Variants in DEPDC5 observed in about 807,000 individuals in gnomAD.
The protein encoded by DEPDC5 is DEP domain containing 5, GATOR1 subcomplex subunit.
In DEPDC5, 73 loss-of-function variants were observed where a neutral mutation model predicts 217.3. That is an observed-to-expected ratio of 0.34 (90% confidence interval 0.28 to 0.41). The LOEUF (loss-of-function observed/expected upper bound fraction) is 0.41, where lower values mean the gene tolerates loss of function less well. Among genes scored for constraint, DEPDC5 ranks in the 10% least tolerant of loss-of-function variants. The pLI, the probability that DEPDC5 is intolerant of heterozygous loss-of-function variation, is 1.00. For synonymous variants in DEPDC5, 733 were observed against 756.7 expected (o/e 0.97, Z 0.51); for missense variants, 1,675 against 2,070.1 (o/e 0.81, Z 3.70).
intron 10 of DEPDC5, among the ~76,000 whole-genome samples, chr22:31,790,254 G>A (rs1297225504): frequency 6.6e-6 from 1 of 152,154 alleles, no homozygotes; most frequent in Non-Finnish European, 1.5e-5. Flanking sequence ...TATATAGTGA[G>A]TGTTGAATTC....
At chr22:31,760,724 T>G (rs765562184) in intron 4 of DEPDC5, 22 bp downstream of exon 4, 3 of 1,576,480 alleles carry the variant, frequency 1.9e-6, no homozygotes, top group South Asian at 1.1e-5. Context: ...ATCACTCTTC[T>G]TAGAATTTTT....
chr22:31,876,757 T>G (rs1364880249), intron 37 of DEPDC5, among the ~76,000 whole-genome samples: 1 of 152,182 alleles, frequency 6.6e-6, no homozygotes, highest in Non-Finnish European at 1.5e-5. Context: ...TTTTTTCTTT[T>G]GTTTGGTTTT....
chr22:31,842,220 T>C (rs2091436852), intron 27 of DEPDC5, among the ~76,000 whole-genome samples: 1 of 152,182 alleles, frequency 6.6e-6, no homozygotes, highest in African/African-American at 2.4e-5. Context: ...GAAGTAGCAT[T>C]TGATGGTGAC....
In DEPDC5 at chr22:31,810,378, C is replaced by A. The variant is rs2088135213; in HGVS notation, c.1325-143C>A. On this transcript the variant is annotated intron_variant, in intron 19 of 42. Transcript: ENST00000651528. ...CAAGGGGAGAGGGTGATCACCTGTG[C>A]CTTGCAGATTTTGGTGAAGATTATC... The A allele has an allele frequency of 4.8e-6, 6 of 1,249,772 alleles. No individual in the cohort carries two copies. In the Admixed American group the frequency reaches 9.5e-5, roughly 20 times the overall value. 77.4% of individuals were successfully genotyped at this position (1,249,772 alleles called of 1,614,324 possible).
intron 35 of DEPDC5, 110 bp downstream of exon 35, chr22:31,873,442 G>A: frequency 8.4e-7 from 1 of 1,192,330 alleles, no homozygotes; most frequent in South Asian, 1.6e-5. Context: ...CTTCTCACCA[G>A]TTTTGAGAGC....
chr22:31,784,942 C>G, intron 10 of DEPDC5, 67 bp downstream of exon 10: 1 of 1,453,954 alleles, frequency 6.9e-7, no homozygotes, highest in South Asian at 1.2e-5. Context: ...TTAAAATGCA[C>G]TGTTTTTATT....
chr22:31,819,249 G>A (rs371417916), intron 22 of DEPDC5, 24 bp downstream of exon 22: 147 of 1,613,196 alleles, frequency 9.1e-5, no homozygotes, highest in East Asian at 5.8e-4. Flanking sequence ...TTAAGAGAGA[G>A]CCTTGGACTA....
At position 31,907,554 on chromosome 22, in the gene DEPDC5, A is replaced by G. The variant is rs1437612605; in HGVS notation, c.*1057A>G. The G allele has an allele frequency of 6.6e-6, 1 of 151,986 alleles. No homozygotes were observed. Among genetic ancestry groups the G allele is most frequent in the Admixed American group, 6.6e-5 (1 of 15,218 alleles). The allele number at this position is 151,986 out of a possible 1,614,324, so 9.4% of individuals were successfully genotyped here. A position where few individuals can be genotyped will look rare whatever the true frequency, so the allele number is the denominator to read the frequency against. On this transcript the variant is annotated 3_prime_UTR_variant, in exon 43 of 43. Transcript: ENST00000651528. ...AGGCACCTGCCACCATACCAGGCTA[A>G]TTTTTTGTATTTTAAGTAGAGATGG...
chr22:31,867,410 A>T (rs564514513), intron 33 of DEPDC5, among the ~76,000 whole-genome samples: 3 of 152,348 alleles, frequency 2.0e-5, no homozygotes, highest in African/African-American at 7.2e-5. Flanking sequence ...TCCAAGACTC[A>T]TAGTGGTTAT....
chr22:31,887,310 C>T (rs1352906318), intron 38 of DEPDC5, among the ~76,000 whole-genome samples: 1 of 149,198 alleles, frequency 6.7e-6, no homozygotes, highest in South Asian at 2.1e-4. Flanking sequence ...ATTCCAGCTG[C>T]TCGGGAGCTG....
chr22:31,888,691 G>A (rs7286575), intron 38 of DEPDC5, among the ~76,000 whole-genome samples: 29,706 of 152,056 alleles, frequency 0.2, 3,405 homozygotes, highest in African/African-American at 0.32. Flanking sequence ...CTGGGAACAC[G>A]GGCATGTGCC....
intron 8 of DEPDC5, among the ~76,000 whole-genome samples, chr22:31,783,294 T>C (rs2084646215): frequency 1.3e-5 from 2 of 152,186 alleles, no homozygotes; most frequent in Non-Finnish European, 2.9e-5. Flanking sequence ...TATATCTTGC[T>C]GCTGCTCACT....
intron 24 of DEPDC5, chr22:31,823,150 A>C (rs1385504104): frequency 4.3e-6 from 1 of 232,200 alleles, no homozygotes; most frequent in Non-Finnish European, 8.7e-6. Flanking sequence ...ACCCACCTCC[A>C]TAACAGGAGA....
rs555674786 is a variant in DEPDC5 at position 31,784,893 on chromosome 22, C to T, written c.624+18C>T. 2 of 1,603,318 alleles carry T rather than the reference C, an allele frequency of 1.2e-6. No homozygotes were observed. Among genetic ancestry groups the T allele is most frequent in the South Asian group, 2.2e-5 (2 of 90,132 alleles). On this transcript the variant is annotated intron_variant, in intron 10 of 42. Coordinates refer to ENST00000651528, the MANE Select transcript of DEPDC5 (RefSeq NM_001242896.3). ...AGTGGAAGGTACATTTCTTCTTACACACTAAGTCTCATTATGTAAACATTA... is the reference window on the plus strand; with the variant it reads ...AGTGGAAGGTACATTTCTTCTTACATACTAAGTCTCATTATGTAAACATTA...
At chr22:31,808,289 C>T (rs1245292092) in intron 18 of DEPDC5, among the ~76,000 whole-genome samples, 2 of 147,276 alleles carry the variant, frequency 1.4e-5, no homozygotes, top group Non-Finnish European at 3.0e-5. Context: ...GATGGAGTCT[C>T]TCTCTCTGTG....
At chr22:31,804,022 A>G in intron 15 of DEPDC5, 140 bp from the exon 16 acceptor site, 1 of 708,562 alleles carries the variant, frequency 1.4e-6, no homozygotes, top group Non-Finnish European at 2.4e-6. Context: ...TTTGTTGGAT[A>G]GGCAGCACTA....
rs143019771 is a variant in DEPDC5, at chr22:31,825,493, T to G, written c.2104+2703T>G. On this transcript the variant is annotated intron_variant, in intron 24 of 42. Coordinates refer to ENST00000651528, the MANE Select transcript of DEPDC5 (RefSeq NM_001242896.3). The stretch of plus-strand genomic sequence containing the variant: ...TGTAGGTGTGTCCACCTGATGGACC[T>G]CTCTGCTCAGATGGCCCCCAAGTAC... Among the ~76,000 whole-genome samples, 250 of 152,218 alleles carry G rather than the reference T, an allele frequency of 1.6e-3. 1 individual carries two copies. The East Asian group carries it at 0.042, about 26-fold the overall frequency.
At chr22:31,849,380 C>T (rs969702425) in intron 31 of DEPDC5, among the ~76,000 whole-genome samples, 9 of 152,022 alleles carry the variant, frequency 5.9e-5, no homozygotes, top group Admixed American at 3.3e-4. Flanking sequence ...CTGGGGAGGC[C>T]TCAGGAAACT....
Position 31,891,073 on chromosome 22 carries a change from C to A in DEPDC5, c.4034-2509C>A, listed in dbSNP as rs74279068. On this transcript the variant is annotated intron_variant, in intron 38 of 42. Coordinates refer to ENST00000651528, the MANE Select transcript of DEPDC5 (RefSeq NM_001242896.3). The stretch of plus-strand genomic sequence containing the variant: ...TCTAATTTATGGCAGATATTACTTT[C>A]AAAAATAATACCACAGAACAACACA... The A allele has an allele frequency of 8.8e-4, 239 of 271,514 alleles. 4 individuals are homozygous for A. In the East Asian group the frequency reaches 0.019, roughly 22 times the overall value. 16.8% of individuals were successfully genotyped at this position (271,514 alleles called of 1,614,324 possible). A position where few individuals can be genotyped will look rare whatever the true frequency, so the allele number is the denominator to read the frequency against.
Sources: gnomAD v4.1 joint callset for allele counts (sites outside exome capture counted in the v4.1 genomes callset) on GRCh38, gnomAD v4.1.1 for gene constraint, MANE v1.5 for transcripts, NCBI Gene and HGNC (gene_info 2026-07-23, HGNC 2026-07-21) for gene names.